DET1: variants seen among roughly 807,000 people sequenced by gnomAD.
DET1 encodes DET1 homolog.
In DET1, 22 loss-of-function variants were observed where a neutral mutation model predicts 43.7. That is an observed-to-expected ratio of 0.50 (90% CI 0.36 to 0.72). The LOEUF (loss-of-function observed/expected upper bound fraction) is 0.72. Among genes scored for constraint, DET1 ranks in the 30% least tolerant of loss-of-function variants. The pLI is 0.00. For synonymous variants in DET1, 315 were observed against 266.2 expected, an observed-to-expected ratio of 1.18 and a Z score of -1.79; for missense variants, 713 against 713.3, an observed-to-expected ratio of 1.00 and a Z score of 0.00.
chr15:88,516,738 C>G lies in DET1; in HGVS notation c.1463+44G>C. 2.1e-6 allele frequency: 3 copies of G among 1,446,724 alleles called. No individual in the cohort carries two copies. The South Asian group carries it at 4.6e-5, about 22-fold the overall frequency. The allele number at this position is 1,446,724 out of a possible 1,614,324, so 89.6% of individuals were successfully genotyped here. A position where few individuals can be genotyped will look rare whatever the true frequency, so the allele number is the denominator to read the frequency against. On this transcript the variant is annotated intron_variant, in intron 4 of 4. Transcript: ENST00000268148. The surrounding 1 kb of genome is among the most constrained non-coding windows in gnomAD (Gnocchi z 4.4). The stretch of plus-strand genomic sequence containing the variant: ...AAAAGAGAAAAAGAAAGCAGGCCAT[C>G]TTCAGCCCTTGAGCAGTTTGTAGCT...
intron 3 of DET1, among the ~76,000 whole-genome samples, chr15:88,527,014 C>T (rs1297772686): frequency 3.3e-5 from 5 of 152,192 alleles, no homozygotes; most frequent in African/African-American, 1.2e-4. Flanking sequence ...TGACTTAGCT[C>T]TGCAGCCTTG....
At position 88,530,765 on chromosome 15, in the gene DET1, A is replaced by G. The variant is rs1312361736; in HGVS notation, c.941T>C (p.Met314Thr). 1 of 1,613,960 alleles carries G rather than the reference A, an allele frequency of 6.2e-7. No homozygotes were observed. The highest frequency in any genetic ancestry group is 1.7e-5 in the Admixed American group (1 of 60,004). Residue 314 changes from methionine to threonine, a missense_variant, in exon 2 of 5, where the codon ATG becomes ACG. By Grantham distance (81) the Met-to-Thr change is moderately conservative. Transcript: ENST00000268148. ...WRRAEQDGSA[M>T]AKRRFFQYFD... is the part of the protein sequence containing the mutation. ...ATACTGGAAGAAGCGCCTCTTGGCCATTGCACTACCATCCTGTTCTGCCCG... is the reference window on the plus strand; with the variant it reads ...ATACTGGAAGAAGCGCCTCTTGGCCGTTGCACTACCATCCTGTTCTGCCCG...
intron 1 of DET1, among the ~76,000 whole-genome samples, chr15:88,541,886 G>A (rs556845141): frequency 1.6e-4 from 25 of 152,234 alleles, no homozygotes; most frequent in African/African-American, 5.1e-4. Context: ...TCGAGGAGAC[G>A]TCCCCTGTGG....
Position 88,527,893 on chromosome 15 carries a change from A to AAACAACAAC in DET1, c.1084-116_1084-108dup, listed in dbSNP as rs3217481. On this transcript the variant is annotated intron_variant, in intron 2 of 4. Coordinates refer to ENST00000268148, the MANE Select transcript of DET1 (RefSeq NM_001144074.3). ...AAAATTCAAGGCATGAATTTTCCAA[A>AAACAACAAC]AACAACAACAACAACAACAACAACA... 7.6e-5 allele frequency: 35 copies of AAACAACAAC among 461,166 alleles called. 1 individual carries two copies. In the Middle Eastern group the frequency reaches 9.3e-4, roughly 12 times the overall value. The allele number at this position is 461,166 out of a possible 1,614,324, so 28.6% of individuals were successfully genotyped here. A position where few individuals can be genotyped will look rare whatever the true frequency, so the allele number is the denominator to read the frequency against.
In DET1 at chr15:88,516,387, A is replaced by G. The variant is rs78427921; in HGVS notation, c.1463+395T>C. 5.6e-3 allele frequency among the ~76,000 whole-genome samples: 855 copies of G among 152,328 alleles called. 11 individuals carry two copies. Among genetic ancestry groups the G allele is most frequent in the African/African-American group, 0.02 (816 of 41,572 alleles). On this transcript the variant is annotated intron_variant, in intron 4 of 4. Transcript: ENST00000268148. The surrounding 1 kb of genome is among the most constrained non-coding windows in gnomAD (Gnocchi z 4.4). ...TTCTAAATCTGTCAGCAGGTCCCCA[A>G]ATTGTCTCTGCTATTTTTTCTATGA...
chr15:88,503,139 C>G (rs980319680), intron 8 of DET1: 4 of 152,178 alleles, frequency 2.6e-5, no homozygotes, highest in African/African-American at 9.7e-5. Flanking sequence ...TGGCACATGC[C>G]TGTAATCCCA....
At chr15:88,508,191 A>G (rs918285998), downstream of DET1, among the ~76,000 whole-genome samples, 31 of 152,236 alleles carry the variant, frequency 2.0e-4, no homozygotes, top group African/African-American at 7.5e-4. Context: ...TAATTATTTC[A>G]TTATATATTA....
Position 88,512,841 on chromosome 15 carries a change from C to A in DET1, c.*110G>T. On this transcript the variant is annotated 3_prime_UTR_variant, in exon 5 of 5. Transcript: ENST00000268148. ...TGGCTCTCTCCCATCTGAGGTATAG[C>A]AGGCTGGAACTAACAGAGCTAGTAG... 6.7e-7 allele frequency: 1 copy of A among 1,492,156 alleles called. No individual in the cohort carries two copies. The highest frequency in any genetic ancestry group is 1.4e-5 in the South Asian group (1 of 72,024). The allele number at this position is 1,492,156 out of a possible 1,614,324, so 92.4% of individuals were successfully genotyped here.
chr15:88,531,736 G>C lies in DET1; in HGVS notation c.-10-21C>G. On this transcript the variant is annotated intron_variant, in intron 1 of 4. Coordinates refer to ENST00000268148, the MANE Select transcript of DET1 (RefSeq NM_001144074.3). This position sits in a 1 kb window ranked among gnomAD's most constrained non-coding sequence, Gnocchi z 6.2. ...CATCTCTAAACAGAAAAGTAAAGCA[G>C]AAGTCAAGAAAGTGAAACAGAATTT... 6.4e-7 allele frequency: 1 copy of C among 1,571,844 alleles called. No individual in the cohort carries two copies. The highest frequency in any genetic ancestry group is 8.6e-7 in the Non-Finnish European group (1 of 1,158,254).
Position 88,538,537 on chromosome 15 carries a change from G to A in DET1, c.-10-6822C>T, listed in dbSNP as rs142526436. Among the ~76,000 whole-genome samples, 21 of 151,902 alleles carry A rather than the reference G, an allele frequency of 1.4e-4. No individual in the cohort carries two copies. In the East Asian group the frequency reaches 3.1e-3, roughly 22 times the overall value. ...AAAGTTAATCAAGCCCCTTCCTCAGGGCTGAGAGAATTTTGAGCATTAGCC... is the reference window on the plus strand; with the variant it reads ...AAAGTTAATCAAGCCCCTTCCTCAGAGCTGAGAGAATTTTGAGCATTAGCC... On this transcript the variant is annotated intron_variant, in intron 1 of 4. Coordinates refer to ENST00000268148, the MANE Select transcript of DET1 (RefSeq NM_001144074.3).
At chr15:88,521,993 A>G (rs1048002183) in intron 3 of DET1, among the ~76,000 whole-genome samples, 4 of 151,826 alleles carry the variant, frequency 2.6e-5, no homozygotes, top group African/African-American at 4.8e-5. Flanking sequence ...TGTGGTGTAA[A>G]TCTTCCTGCC....
chr15:88,514,600 T>C (rs1483631320), intron 4 of DET1, among the ~76,000 whole-genome samples: 2 of 152,236 alleles, frequency 1.3e-5, no homozygotes, highest in Non-Finnish European at 2.9e-5. Context: ...GATAGAATAA[T>C]ACGCCTTCAT....
At chr15:88,542,200 G>C (rs1208515498) in intron 1 of DET1, among the ~76,000 whole-genome samples, 1 of 152,180 alleles carries the variant, frequency 6.6e-6, no homozygotes, top group Non-Finnish European at 1.5e-5. Context: ...CATCTGAAGA[G>C]AGGCCAGAAA....
chr15:88,523,242 C>T (rs1306511093), intron 3 of DET1, among the ~76,000 whole-genome samples: 1 of 152,124 alleles, frequency 6.6e-6, no homozygotes, highest in East Asian at 1.9e-4. Flanking sequence ...TAAAGGCTTT[C>T]CTGAAATGAC....
intron 1 of DET1, chr15:88,536,392 G>T: frequency 1.3e-6 from 1 of 760,836 alleles, no homozygotes; most frequent in South Asian, 1.4e-5. Context: ...CTAGGAGAAG[G>T]GACAGTTAAG....
chr15:88,538,952 C>A (rs567338305), intron 1 of DET1, among the ~76,000 whole-genome samples: 9 of 152,116 alleles, frequency 5.9e-5, no homozygotes, highest in Admixed American at 1.3e-4. Context: ...TACTCTAGGA[C>A]GCTACTGGGT....
chr15:88,529,629 T>G (rs1253897078), intron 2 of DET1, among the ~76,000 whole-genome samples: 2 of 152,216 alleles, frequency 1.3e-5, no homozygotes, highest in African/African-American at 4.8e-5. Flanking sequence ...CAGAATCTGT[T>G]AATGGTAGAA....
At chr15:88,541,329 C>T (rs1388479812) in intron 1 of DET1, among the ~76,000 whole-genome samples, 7 of 151,928 alleles carry the variant, frequency 4.6e-5, no homozygotes, top group Admixed American at 2.0e-4. Context: ...CTTTGAGAAA[C>T]ACCCACAGAT....
At chr15:88,527,865 C>A in intron 2 of DET1, 79 bp from the exon 3 acceptor site, 1 of 1,165,598 alleles carries the variant, frequency 8.6e-7, no homozygotes, top group Non-Finnish European at 1.1e-6. Flanking sequence ...TATTACTTGG[C>A]TGAAAATTCA....
Sources: allele counts gnomAD v4.1 joint callset (sites outside exome capture counted in the v4.1 genomes callset), GRCh38; gene constraint gnomAD v4.1.1; non-coding constraint Gnocchi (gnomAD v3.1); transcripts MANE v1.5; gene names NCBI Gene and HGNC (gene_info 2026-07-23, HGNC 2026-07-21).